Variants in ATP10A observed in about 807,000 individuals in gnomAD.
The protein encoded by ATP10A is ATPase phospholipid transporting 10A (putative).
Under a neutral mutation model 147.8 loss-of-function variants are expected in ATP10A, and 111 were observed. The observed-to-expected ratio is 0.75, with a 90% CI of 0.64 to 0.88. The LOEUF (loss-of-function observed/expected upper bound fraction) is 0.88, where lower values mean the gene tolerates loss of function less well. ATP10A is among the 40% of genes least tolerant of loss of function. ATP10A has a pLI of 0.00. For missense variants in ATP10A, 1,927 were observed against 1,959.0 expected, an observed-to-expected ratio of 0.98 and a Z score of 0.31; for synonymous variants, 875 against 841.6, an observed-to-expected ratio of 1.04 and a Z score of -0.69.
intron 10 of ATP10A, among the ~76,000 whole-genome samples, chr15:25,711,383 A>C (rs1004284822): frequency 4.4e-4 from 67 of 151,968 alleles, no homozygotes; most frequent in African/African-American, 1.4e-3. Context: ...ATGAGTCTGC[A>C]CCTATCCACA....
At position 25,721,911 on chromosome 15, in the gene ATP10A, T is replaced by C; in HGVS notation, c.1111-2A>G. The C allele has an allele frequency of 6.2e-7, 1 of 1,609,602 alleles. No homozygotes were observed. Among genetic ancestry groups the C allele is most frequent in the Non-Finnish European group, 8.5e-7 (1 of 1,176,230 alleles). ...GTATAAGGAAATTGGGATCAAAACC[T>C]GGAAGAGACAAGGCACACAGGATGA... On this transcript the variant is annotated splice_acceptor_variant, in intron 6 of 20. Coordinates refer to ENST00000555815, the MANE Select transcript of ATP10A (RefSeq NM_024490.4). LOFTEE classifies it high-confidence loss of function.
intron 1 of ATP10A, among the ~76,000 whole-genome samples, chr15:25,817,755 A>G (rs1891725216): frequency 1.3e-5 from 2 of 152,338 alleles, no homozygotes; most frequent in Middle Eastern, 6.8e-3. Flanking sequence ...ACCTCTACAC[A>G]TTATTTAACC....
At chr15:25,708,540 C>T (rs1180638730) in intron 10 of ATP10A, 16 of 451,560 alleles carry the variant, frequency 3.5e-5, no homozygotes, top group Non-Finnish European at 6.0e-5. Context: ...AGGCTGGTCA[C>T]GAACTCCTGG....
chr15:25,811,237 C>T (rs949987867), intron 1 of ATP10A, among the ~76,000 whole-genome samples: 8 of 152,306 alleles, frequency 5.3e-5, no homozygotes, highest in Admixed American at 1.3e-4. Flanking sequence ...CCAGCAGAAA[C>T]GGACTTCCCT....
intron 2 of ATP10A, among the ~76,000 whole-genome samples, chr15:25,748,949 G>A (rs1887995123): frequency 6.7e-6 from 1 of 150,010 alleles, no homozygotes; most frequent in African/African-American, 2.5e-5. Flanking sequence ...TGTAATCCCA[G>A]CTACTCAGGA....
At chr15:25,830,135 G>A (rs965094269) in intron 1 of ATP10A, among the ~76,000 whole-genome samples, 1 of 152,116 alleles carries the variant, frequency 6.6e-6, no homozygotes, top group Non-Finnish European at 1.5e-5. Context: ...ATGGAGCCAC[G>A]GAGAGGAGGA....
At position 25,784,250 on chromosome 15, in the gene ATP10A, C is replaced by T. The variant is rs575488405; in HGVS notation, c.450-3027G>A. On this transcript the variant is annotated intron_variant, in intron 1 of 20. Coordinates refer to ENST00000555815, the MANE Select transcript of ATP10A (RefSeq NM_024490.4). ...AAGGCAGCCTATGCCCAAGCATCGG[C>T]GGGGCAGGCTTTGTTGCGATGGGGT... Among the ~76,000 whole-genome samples, 4 of 152,276 alleles carry T rather than the reference C, an allele frequency of 2.6e-5. 1 individual carries two copies. The highest frequency in any genetic ancestry group is 1.3e-4 in the Admixed American group (2 of 15,300).
At chr15:25,778,273 T>A (rs1889722245) in intron 2 of ATP10A, among the ~76,000 whole-genome samples, 1 of 152,208 alleles carries the variant, frequency 6.6e-6, no homozygotes, top group South Asian at 2.1e-4. Flanking sequence ...TATTACCAGT[T>A]CTTAACCTGT....
intron 18 of ATP10A, 30 bp downstream of exon 18, chr15:25,680,964 A>G: frequency 6.2e-7 from 1 of 1,613,832 alleles, no homozygotes; most frequent in Non-Finnish European, 8.5e-7. Context: ...TCCAGCTGGT[A>G]AGAAAAACTG....
intron 13 of ATP10A, among the ~76,000 whole-genome samples, chr15:25,697,418 A>C (rs1028755403): frequency 1.3e-5 from 2 of 152,240 alleles, no homozygotes; most frequent in African/African-American, 4.8e-5. Flanking sequence ...ACAAAGAACC[A>C]GGAAAATCTT....
At chr15:25,777,639 C>T (rs2140690511) in intron 2 of ATP10A, among the ~76,000 whole-genome samples, 1 of 152,118 alleles carries the variant, frequency 6.6e-6, no homozygotes, top group South Asian at 2.1e-4. Context: ...GGGTCTCTGT[C>T]CCCCAGGCTG....
At chr15:25,850,841 T>C (rs1893262212) in intron 1 of ATP10A, among the ~76,000 whole-genome samples, 1 of 152,158 alleles carries the variant, frequency 6.6e-6, no homozygotes, top group Non-Finnish European at 1.5e-5. Context: ...TTATTAGAAG[T>C]ATACAAAAAC....
rs761445579 is a variant in ATP10A at position 25,679,565 on chromosome 15, G to C, written c.4276C>G (p.Leu1426Val). Reference sequence around the variant, plus strand: ...GTAGGCAGGCTGAAGAGGGAAGACAGGGGGGTCACCCTGCCGGTGCTGGCA... The same window carrying C: ...GTAGGCAGGCTGAAGAGGGAAGACACGGGGGTCACCCTGCCGGTGCTGGCA... Reference protein sequence around the residue: ...RAASTGRVTPLSSLFSLPTFS... With the variant: ...RAASTGRVTPVSSLFSLPTFS... Residue 1426 changes from leucine to valine, a missense_variant, in exon 21 of 21, where the codon CTG (leucine) becomes GTG (valine). Coordinates refer to ENST00000555815, the MANE Select transcript of ATP10A (RefSeq NM_024490.4). 81 of 1,611,138 alleles carry C rather than the reference G, an allele frequency of 5.0e-5. No homozygotes were observed. In the East Asian group the frequency reaches 1.2e-3, roughly 24 times the overall value.
intron 13 of ATP10A, among the ~76,000 whole-genome samples, chr15:25,697,827 T>G (rs1900429354): frequency 6.6e-6 from 1 of 152,208 alleles, no homozygotes; most frequent in Non-Finnish European, 1.5e-5. Flanking sequence ...TGACATGGTG[T>G]TGACAGCATG....
At chr15:25,689,109 AAC>A (rs1899865270) in intron 15 of ATP10A, among the ~76,000 whole-genome samples, 1 of 152,254 alleles carries the variant, frequency 6.6e-6, no homozygotes, top group Admixed American at 6.5e-5. Flanking sequence ...CGCCCTTGAG[AAC>A]CACAGTCAAA....
intron 1 of ATP10A, among the ~76,000 whole-genome samples, chr15:25,818,941 T>G (rs1055427774): frequency 1.3e-5 from 2 of 152,182 alleles, no homozygotes; most frequent in South Asian, 4.2e-4. Flanking sequence ...TCAAGATAGA[T>G]TAAAGACTTA....
intron 17 of ATP10A, 83 bp from the exon 18 acceptor site, chr15:25,681,157 T>C (rs1430476354): frequency 1.4e-6 from 2 of 1,398,520 alleles, no homozygotes; most frequent in Non-Finnish European, 1.9e-6. Context: ...ATGGAGTCAC[T>C]TGTGTTAAAA....
rs1902245127 is a variant in ATP10A, at chr15:25,721,745, G to A, written c.1275C>T (p.Phe425=). Residue 425 remains phenylalanine, a synonymous_variant, in exon 7 of 21, where the codon TTC becomes TTT. Coordinates refer to ENST00000555815, the MANE Select transcript of ATP10A (RefSeq NM_024490.4). ...CTGTCAAAGTGCCAGTTTTATCTGAGAAAATGTACTGTATCTGTCCTAAGT... is the reference window on the plus strand; with the variant it reads ...CTGTCAAAGTGCCAGTTTTATCTGAAAAAATGTACTGTATCTGTCCTAAGT... ...TEDLGQIQYI[F]SDKTGTLTEN... The A allele has an allele frequency of 4.3e-6, 7 of 1,614,084 alleles. No individual in the cohort carries two copies. The highest frequency in any genetic ancestry group is 5.9e-6 in the Non-Finnish European group (7 of 1,180,044).
chr15:25,807,807 G>A (rs757592111), intron 1 of ATP10A, among the ~76,000 whole-genome samples: 1 of 131,266 alleles, frequency 7.6e-6, no homozygotes, highest in Non-Finnish European at 1.7e-5. Context: ...CATCCCCCCG[G>A]CCAAAAAAAA....
Sources: allele counts gnomAD v4.1 joint callset (sites outside exome capture counted in the v4.1 genomes callset), GRCh38; gene constraint gnomAD v4.1.1; transcripts MANE v1.5; gene names NCBI Gene and HGNC (gene_info 2026-07-23, HGNC 2026-07-21).